The following TP63 variants were observed in gnomAD, a reference collection of about 807,000 sequenced individuals.
The protein encoded by TP63 is tumor protein 63.
In TP63, 17 loss-of-function variants were observed where a neutral mutation model predicts 82.8. The ratio of observed to expected loss-of-function variants is 0.21; its 90% CI spans 0.14 to 0.31. TP63 has a LOEUF of 0.31. TP63 is among the 10% of genes least tolerant of loss of function. The probability of loss-of-function intolerance (pLI) is 1.00; values close to 1 mark genes in which losing one functional copy is unlikely to be tolerated. For missense variants in TP63, 648 were observed against 895.3 expected, an observed-to-expected ratio of 0.72 and a Z score of 3.52; for synonymous variants, 330 against 321.7, an observed-to-expected ratio of 1.03 and a Z score of -0.28.
At chr3:189,656,202 T>G (rs1920248) in intron 1 of TP63, among the ~76,000 whole-genome samples, 1 of 152,018 alleles carries the variant, frequency 6.6e-6, no homozygotes, top group East Asian at 1.9e-4. Flanking sequence ...ATGAATTACA[T>G]CAATATCACA....
At chr3:189,875,599 T>TATATATATATATATATATAC (rs1718983675) in intron 10 of TP63, among the ~76,000 whole-genome samples, 1 of 42,092 alleles carries the variant, frequency 2.4e-5, no homozygotes, top group Non-Finnish European at 5.7e-5. Context: ...CATACATATA[T>TATATATATATATATATATAC]ATATATATAT....
At chr3:189,599,894 C>T in the TP63 span, among the ~76,000 whole-genome samples, 5 of 152,136 alleles carry the variant, frequency 3.3e-5, no homozygotes, top group African/African-American at 1.2e-4. Flanking sequence ...TATTTATTTT[C>T]CTCAACGAGT....
At chr3:189,606,293 G>A in the TP63 span, among the ~76,000 whole-genome samples, 11 of 151,954 alleles carry the variant, frequency 7.2e-5, no homozygotes, top group African/African-American at 2.7e-4. Flanking sequence ...TTCCATTCCA[G>A]GCCTCAGGAA....
intron 4 of TP63, among the ~76,000 whole-genome samples, chr3:189,842,470 A>G (rs551535190): frequency 5.9e-5 from 9 of 152,194 alleles, no homozygotes; most frequent in African/African-American, 1.9e-4. Context: ...TATGTCCAGT[A>G]GGGGTGAGGG....
chr3:189,817,673 G>A (rs543438028), intron 4 of TP63, among the ~76,000 whole-genome samples: 6 of 151,890 alleles, frequency 4.0e-5, no homozygotes, highest in Non-Finnish European at 8.8e-5. Flanking sequence ...ACAAAGACAT[G>A]AAATAAAATA....
the TP63 span, among the ~76,000 whole-genome samples, chr3:189,601,958 G>A: frequency 6.6e-6 from 1 of 152,142 alleles, no homozygotes; most frequent in East Asian, 1.9e-4. Flanking sequence ...CTGCTATCTT[G>A]ATGGAAATTT....
At chr3:189,691,134 T>TTTGAGACCA (rs1247649812) in intron 1 of TP63, among the ~76,000 whole-genome samples, 1 of 149,882 alleles carries the variant, frequency 6.7e-6, no homozygotes, top group Admixed American at 6.6e-5. Flanking sequence ...GATCAGGGAG[T>TTTGAGACCA]TTGAGACCAT....
In TP63 at chr3:189,726,157, C is replaced by T. The variant is rs76829785; in HGVS notation, c.63-11583C>T. Among the ~76,000 whole-genome samples the T allele has an allele frequency of 2.2e-4, 33 of 152,116 alleles. 2 individuals are homozygous for T. The highest frequency in any genetic ancestry group is 7.5e-4 in the African/African-American group (31 of 41,498). ...TATATTTAAGAAAAATCCATAAACA[C>T]GTATCTTGTTCCTCCATATGAACGT... On this transcript the variant is annotated intron_variant, in intron 1 of 13. Coordinates refer to ENST00000264731, the MANE Select transcript of TP63 (RefSeq NM_003722.5).
intron 1 of TP63, among the ~76,000 whole-genome samples, chr3:189,687,540 C>T (rs1716548040): frequency 6.6e-6 from 1 of 152,104 alleles, no homozygotes; most frequent in Admixed American, 6.6e-5. Flanking sequence ...TTTGTAATTT[C>T]AAGGGAATAT....
At chr3:189,839,059 A>AAAAAAGAAAAAG (rs1560240623) in intron 4 of TP63, among the ~76,000 whole-genome samples, 1 of 136,776 alleles carries the variant, frequency 7.3e-6, no homozygotes, top group Non-Finnish European at 1.6e-5. Flanking sequence ...AAAAAAAAAA[A>AAAAAAGAAAAAG]AAAAAGAAAA....
chr3:189,766,810 A>C (rs1457316585), intron 3 of TP63, among the ~76,000 whole-genome samples: 1 of 152,226 alleles, frequency 6.6e-6, no homozygotes, highest in African/African-American at 2.4e-5. Context: ...CAGTAACAAA[A>C]ACAGAAACAA....
At position 189,808,388 on chromosome 3, in the gene TP63, G is replaced by C. The variant is rs768884299; in HGVS notation, c.441G>C (p.Ser147=). Residue 147 remains serine (S), a synonymous_variant, in exon 4 of 14, where the codon TCG becomes TCC. Transcript: ENST00000264731. ...CGCAGAACAGCGTCACGGCGCCCTCGCCCTACGCACAGCCCAGCTCCACCT... is the reference window on the plus strand; with the variant it reads ...CGCAGAACAGCGTCACGGCGCCCTCCCCCTACGCACAGCCCAGCTCCACCT... ...DHAQNSVTAP[S]PYAQPSSTFD... 6.2e-7 allele frequency: 1 copy of C among 1,614,116 alleles called. No homozygotes were observed. The highest frequency in any genetic ancestry group is 8.5e-7 in the Non-Finnish European group (1 of 1,180,024).
intron 1 of TP63, among the ~76,000 whole-genome samples, chr3:189,682,554 ATATATATATATATATATAT>A (rs1366865008): frequency 0.22 from 1,744 of 7,770 alleles, 43 homozygotes; most frequent in Middle Eastern, 0.38. Flanking sequence ...AAAAAAAAAA[ATATATATATATATATATAT>A]ATATATATAT....
intron 10 of TP63, chr3:189,881,577 G>A: frequency 2.2e-6 from 2 of 928,932 alleles, no homozygotes; most frequent in African/African-American, 1.8e-5. Context: ...GCTTGAAGTA[G>A]CATGTGTAGG....
intron 10 of TP63, among the ~76,000 whole-genome samples, chr3:189,875,684 A>T (rs918147300): frequency 6.3e-5 from 8 of 126,522 alleles, no homozygotes; most frequent in African/African-American, 2.4e-4. Context: ...CTTATAGATA[A>T]ATGCGTGGAT....
chr3:189,880,292 C>G (rs570697231), intron 10 of TP63: 875 of 1,358,500 alleles, frequency 6.4e-4, no homozygotes, highest in Non-Finnish European at 7.8e-4. Flanking sequence ...GACTTGAAGA[C>G]ACTTTGGCTC....
At position 189,889,369 on chromosome 3, in the gene TP63, G is replaced by C. The variant is rs1196701463; in HGVS notation, c.1537G>C (p.Ala513Pro). The C allele has an allele frequency of 5.6e-6, 9 of 1,614,132 alleles. No individual in the cohort carries two copies. Among genetic ancestry groups the C allele is most frequent in the Non-Finnish European group, 7.6e-6 (9 of 1,180,024 alleles). The part of the protein sequence containing the change: ...IPMMGTHMPM[A>P]GDMNGLSPTQ... ...CATGATGGGCACCCACATGCCAATGGCTGGAGACATGAATGGACTCAGCCC... is the reference window on the plus strand; with the variant it reads ...CATGATGGGCACCCACATGCCAATGCCTGGAGACATGAATGGACTCAGCCC... The change falls in exon 12 of 14, where the codon GCT becomes CCT. Residue 513 changes from alanine to proline, a missense_variant. Ala to Pro is a conservative substitution (Grantham distance 27). This residue lies in a region of TP63 where 342 missense variants were observed against 425.7 expected (regional missense o/e 0.80). Transcript: ENST00000264731.
At chr3:189,621,260 T>C in the TP63 span, among the ~76,000 whole-genome samples, 12 of 152,302 alleles carry the variant, frequency 7.9e-5, no homozygotes, top group South Asian at 2.5e-3. Flanking sequence ...CTTTGTGATA[T>C]GGAAAATCTA....
At chr3:189,841,945 A>G (rs752692254) in intron 4 of TP63, among the ~76,000 whole-genome samples, 1 of 152,152 alleles carries the variant, frequency 6.6e-6, no homozygotes, top group Non-Finnish European at 1.5e-5. Flanking sequence ...AGCTCTAGGT[A>G]GGGCTATCGT....
Sources: allele counts gnomAD v4.1 joint callset (sites outside exome capture counted in the v4.1 genomes callset), GRCh38; gene constraint gnomAD v4.1.1; regional missense constraint gnomAD v4.1.1; transcripts MANE v1.5; gene names NCBI Gene and HGNC (gene_info 2026-07-23, HGNC 2026-07-21).